CIITA: variants seen among roughly 807,000 people sequenced by gnomAD.
The protein encoded by CIITA is class II major histocompatibility complex transactivator.
Under a neutral mutation model 115.1 loss-of-function variants are expected in CIITA, and 72 were observed. The ratio of observed to expected loss-of-function variants is 0.63; its 90% CI spans 0.52 to 0.76. The LOEUF (loss-of-function observed/expected upper bound fraction) is 0.76. Ranked by LOEUF, CIITA falls within the 30% of genes least tolerant of loss-of-function variation. The pLI, the probability that CIITA is intolerant of heterozygous loss-of-function variation, is 0.00. For synonymous variants in CIITA, 763 were observed against 635.6 expected (o/e 1.20, Z -3.02); for missense variants, 1,617 against 1,463.8 (o/e 1.10, Z -1.71).
chr16:10,928,413 C>G lies in CIITA; in HGVS notation c.*4558C>G, dbSNP rs777016552. The G allele has an allele frequency of 6.6e-6, 1 of 152,324 alleles. No homozygotes were observed. Among genetic ancestry groups the G allele is most frequent in the Non-Finnish European group, 1.5e-5 (1 of 68,158 alleles). The allele number at this position is 152,324 out of a possible 1,614,324, so 9.4% of individuals were successfully genotyped here. On this transcript the variant is annotated 3_prime_UTR_variant, in exon 20 of 20. Coordinates refer to ENST00000324288, the MANE Select transcript of CIITA (RefSeq NM_000246.4). Reference sequence around the variant, plus strand: ...AAGCAATTCTCCTGCCTCAGCCTCCCGAGTAGCTGGGACTATAAGTGTGCG... The same window carrying G: ...AAGCAATTCTCCTGCCTCAGCCTCCGGAGTAGCTGGGACTATAAGTGTGCG...
chr16:10,891,984 G>C (rs988508844), intron 1 of CIITA, among the ~76,000 whole-genome samples: 2 of 152,178 alleles, frequency 1.3e-5, no homozygotes, highest in African/African-American at 4.8e-5. Flanking sequence ...GGGGGTCTGT[G>C]CTGAGCCTCT....
At chr16:10,905,747 G>C (rs1296920641) in intron 10 of CIITA, among the ~76,000 whole-genome samples, 4 of 151,658 alleles carry the variant, frequency 2.6e-5, no homozygotes, top group African/African-American at 9.7e-5. Flanking sequence ...GGGGCACAGG[G>C]CAGGATCCAT....
chr16:10,898,310 T>A (rs901478992), intron 3 of CIITA, among the ~76,000 whole-genome samples: 7 of 151,956 alleles, frequency 4.6e-5, no homozygotes, highest in African/African-American at 1.7e-4. Flanking sequence ...CTTACACAGA[T>A]GAGAAAATGG....
At chr16:10,916,823 C>G (rs935501689) in intron 15 of CIITA, 1 of 393,554 alleles carries the variant, frequency 2.5e-6, no homozygotes, top group Non-Finnish European at 4.7e-6. Context: ...CATTTCTTTA[C>G]TTACCCAACC....
chr16:10,904,297 C>G (rs1272106198), intron 9 of CIITA, among the ~76,000 whole-genome samples: 1 of 152,200 alleles, frequency 6.6e-6, no homozygotes, highest in East Asian at 1.9e-4. Flanking sequence ...TCTCAGATCA[C>G]TGCAACCTCC....
intron 5 of CIITA, 89 bp downstream of exon 5, chr16:10,899,091 TC>T: frequency 7.8e-7 from 1 of 1,281,022 alleles, no homozygotes; most frequent in Non-Finnish European, 1.1e-6. Context: ...CCAACTTGCT[TC>T]CCTCGCTAAG....
In CIITA at chr16:10,907,622, C is replaced by T. The variant is rs1471792249; in HGVS notation, c.2130C>T (p.Ser710=). 1.2e-6 allele frequency: 2 copies of T among 1,614,264 alleles called. No homozygotes were observed. Among genetic ancestry groups the T allele is most frequent in the Non-Finnish European group, 1.7e-6 (2 of 1,180,046 alleles). ...CAGAGTCCGAGCTGGCCTTCCCCAGCTTCCTCCTGCAATGCTTCCTGGGGG... is the reference window on the plus strand; with the variant it reads ...CAGAGTCCGAGCTGGCCTTCCCCAGTTTCCTCCTGCAATGCTTCCTGGGGG... ...RAAESELAFP[S]FLLQCFLGAL... Residue 710 remains serine (S), a synonymous_variant, in exon 11 of 20, where the codon AGC becomes AGT. Coordinates refer to ENST00000324288, the MANE Select transcript of CIITA (RefSeq NM_000246.4). The surrounding 1 kb of genome is among the most constrained non-coding windows in gnomAD (Gnocchi z 5.0).
In CIITA at chr16:10,941,978, G is replaced by C. The variant is rs1044639309; in HGVS notation, n.1104G>C. 1.3e-5 allele frequency: 20 copies of C among 1,507,314 alleles called. No homozygotes were observed. Among genetic ancestry groups the C allele is most frequent in the Admixed American group, 6.7e-5 (3 of 45,052 alleles). 93.4% of individuals were successfully genotyped at this position (1,507,314 alleles called of 1,614,324 possible). On this transcript the variant is annotated non_coding_transcript_exon_variant, in exon 2 of 2. Coordinates refer to the CIITA transcript ENST00000573379. This position sits in a 1 kb window ranked among gnomAD's most constrained non-coding sequence, Gnocchi z 6.4. ...GGGACCAGGGGGCCCAGTGCGTCCA[G>C]GTGGGCCGCGACCCGGGCGCCGAGC...
intron 5 of CIITA, among the ~76,000 whole-genome samples, chr16:10,899,480 G>C (rs1441733690): frequency 6.6e-6 from 1 of 152,136 alleles, no homozygotes; most frequent in Non-Finnish European, 1.5e-5. Context: ...TTCTCACCTT[G>C]TGTGTCTTTT....
Position 10,910,247 on chromosome 16 carries a change from A to C in CIITA, c.2876A>C (p.Lys959Thr). The C allele has an allele frequency of 6.2e-7, 1 of 1,613,976 alleles. No homozygotes were observed. The highest frequency in any genetic ancestry group is 8.5e-7 in the Non-Finnish European group (1 of 1,179,922). The change falls in exon 13 of 20, where the codon AAA (lysine) becomes ACA (threonine). Residue 959 changes from lysine to threonine, a missense_variant. Lys to Thr is a moderately conservative substitution (Grantham distance 78). Coordinates refer to ENST00000324288, the MANE Select transcript of CIITA (RefSeq NM_000246.4). ...CTCCCTGCTGTTCGGGACCTAAAGAAACTGGAGTTTGCGTAAGCAAAGGGG... is the reference window on the plus strand; with the variant it reads ...CTCCCTGCTGTTCGGGACCTAAAGACACTGGAGTTTGCGTAAGCAAAGGGG... ...GELPAVRDLK[K>T]LEFALGPVSG...
At chr16:10,912,323 A>T (rs1180651171) in intron 13 of CIITA, among the ~76,000 whole-genome samples, 1 of 152,174 alleles carries the variant, frequency 6.6e-6, no homozygotes, top group Admixed American at 6.5e-5. Flanking sequence ...CATGTTGGCC[A>T]GGCTGGTCTT....
Position 10,895,308 on chromosome 16 carries a change from T to G in CIITA, c.79T>G (p.Leu27Val), listed in dbSNP as rs760786324. Residue 27 changes from leucine to valine, a missense_variant, in exon 2 of 20, where the codon TTG becomes GTG. Physicochemically the swap from Leu to Val is conservative, Grantham distance 32. Transcript: ENST00000324288. ...CAGCTCACAGTGTGCCACCATGGAGTTGGGGCCCCTAGAAGGTGGCTACCT... is the reference window on the plus strand; with the variant it reads ...CAGCTCACAGTGTGCCACCATGGAGGTGGGGCCCCTAGAAGGTGGCTACCT... Reference protein sequence around the residue: ...QGSSQCATMELGPLEGGYLEL... With the variant: ...QGSSQCATMEVGPLEGGYLEL... 1.9e-6 allele frequency: 3 copies of G among 1,613,904 alleles called. No homozygotes were observed. Among genetic ancestry groups the G allele is most frequent in the Admixed American group, 3.3e-5 (2 of 59,988 alleles).
At position 10,941,672 on chromosome 16, in the gene CIITA, A is replaced by C. The variant is rs773934455; in HGVS notation, n.798A>C. ...ATGATCTGGGCGGCTGGTCCAGGGCATGGGTTGCGGATCGTGTAGGGAAGA... is the reference window on the plus strand; with the variant it reads ...ATGATCTGGGCGGCTGGTCCAGGGCCTGGGTTGCGGATCGTGTAGGGAAGA... On this transcript the variant is annotated non_coding_transcript_exon_variant, in exon 2 of 2. Transcript: ENST00000573379. The surrounding 1 kb of genome is among the most constrained non-coding windows in gnomAD (Gnocchi z 6.4). 5.1e-6 allele frequency: 8 copies of C among 1,560,848 alleles called. No homozygotes were observed. The highest frequency in any genetic ancestry group is 7.0e-6 in the Non-Finnish European group (8 of 1,150,348).
chr16:10,879,860 G>T lies in CIITA; in HGVS notation c.52+2478G>T, dbSNP rs904630686. On this transcript the variant is annotated intron_variant, in intron 1 of 19. Coordinates refer to ENST00000324288, the MANE Select transcript of CIITA (RefSeq NM_000246.4). The surrounding 1 kb of genome is among the most constrained non-coding windows in gnomAD (Gnocchi z 4.3). ...TTAGTCTGGAACTCTTAAAAGCCGC[G>T]GTCCTCCTGAGTCCCACAGCCCCTC... is the stretch of plus-strand genomic sequence containing the variant. 6.6e-6 allele frequency among the ~76,000 whole-genome samples: 1 copy of T among 152,088 alleles called. No individual in the cohort carries two copies. The highest frequency in any genetic ancestry group is 2.4e-5 in the African/African-American group (1 of 41,400).
At position 10,907,476 on chromosome 16, in the gene CIITA, A is replaced by C. The variant is rs752535112; in HGVS notation, c.1984A>C (p.Lys662Gln). The change falls in exon 11 of 20, where the codon AAG becomes CAG. Residue 662 changes from lysine (K) to glutamine (Q), a missense_variant. Transcript: ENST00000324288. This position sits in a 1 kb window ranked among gnomAD's most constrained non-coding sequence, Gnocchi z 5.0. The part of the protein sequence containing the change: ...SPPGALAELA[K>Q]LAWELGRRHQ... ...CCCCGGGGCCCTGGCAGAGCTGGCC[A>C]AGCTGGCCTGGGAGCTGGGCCGCAG... The C allele has an allele frequency of 1.2e-6, 2 of 1,613,582 alleles. No homozygotes were observed. The highest frequency in any genetic ancestry group is 3.3e-5 in the Admixed American group (2 of 60,010).
downstream of CIITA, chr16:10,940,748 T>G (rs2041091602): frequency 6.6e-6 from 1 of 152,348 alleles, no homozygotes; most frequent in African/African-American, 2.4e-5. This position sits in a 1 kb window ranked among gnomAD's most constrained non-coding sequence, Gnocchi z 4.2. Flanking sequence ...CACAGTGGGC[T>G]GGATGCTGGA....
chr16:10,890,018 G>A (rs1045413593), intron 1 of CIITA, among the ~76,000 whole-genome samples: 2 of 152,222 alleles, frequency 1.3e-5, no homozygotes, highest in Non-Finnish European at 2.9e-5. Context: ...AGATGGTGTG[G>A]AGGATGGAGG....
chr16:10,899,418 C>G (rs1310157229), intron 5 of CIITA, among the ~76,000 whole-genome samples: 1 of 152,180 alleles, frequency 6.6e-6, no homozygotes, highest in African/African-American at 2.4e-5. Context: ...AAACTGTCAC[C>G]TCTTCCTGGA....
At chr16:10,891,918 A>G (rs117185767) in intron 1 of CIITA, among the ~76,000 whole-genome samples, 417 of 152,302 alleles carry the variant, frequency 2.7e-3, no homozygotes, top group Non-Finnish European at 4.4e-3. Flanking sequence ...GTCATGAACA[A>G]GTGGGCCCAG....
Sources: gnomAD v4.1 joint callset for allele counts (sites outside exome capture counted in the v4.1 genomes callset) on GRCh38, gnomAD v4.1.1 for gene constraint, Gnocchi (gnomAD v3.1) non-coding constraint, MANE v1.5 for transcripts, NCBI Gene and HGNC (gene_info 2026-07-23, HGNC 2026-07-21) for gene names.